The following RAB10 variants were observed in gnomAD, a reference collection of about 807,000 sequenced individuals.
RAB10 encodes ras-related protein Rab-10.
In RAB10, 5 loss-of-function variants were observed where a neutral mutation model predicts 25.7. The ratio of observed to expected loss-of-function variants is 0.19; its 90% CI spans 0.10 to 0.41. RAB10 has a LOEUF of 0.41. Ranked by LOEUF, RAB10 falls within the 10% of genes least tolerant of loss-of-function variation. The pLI, the probability that RAB10 is intolerant of heterozygous loss-of-function variation, is 1.00. For synonymous variants in RAB10, 89 were observed against 86.4 expected (o/e 1.03, Z -0.16); for missense variants, 103 against 245.8 (o/e 0.42, Z 3.89).
intron 1 of RAB10, among the ~76,000 whole-genome samples, chr2:26,073,274 A>G (rs189931622): frequency 3.9e-5 from 6 of 152,374 alleles, no homozygotes; most frequent in African/African-American, 2.4e-5. Context: ...AGGGGCTATT[A>G]ACCAGAGATC....
chr2:26,072,813 A>G (rs1666656018), intron 1 of RAB10, among the ~76,000 whole-genome samples: 1 of 152,216 alleles, frequency 6.6e-6, no homozygotes, highest in African/African-American at 2.4e-5. Context: ...AAAATATAGT[A>G]ATTTTTAACA....
At chr2:26,090,405 G>A (rs1468508361) in intron 1 of RAB10, among the ~76,000 whole-genome samples, 1 of 151,058 alleles carries the variant, frequency 6.6e-6, no homozygotes, top group Non-Finnish European at 1.5e-5. Context: ...TCATTGTGAT[G>A]TACTTTGGTG....
chr2:26,033,778 AGCGGGAG>A (rs1176083251), upstream of RAB10, among the ~76,000 whole-genome samples: 5 of 125,434 alleles, frequency 4.0e-5, no homozygotes, highest in East Asian at 2.6e-4. Flanking sequence ...GGGAGCGGGG[AGCGGGAG>A]GCGGGAGGCG....
At chr2:26,112,701 T>C (rs1431258924) in intron 3 of RAB10, among the ~76,000 whole-genome samples, 1 of 152,102 alleles carries the variant, frequency 6.6e-6, no homozygotes, top group Non-Finnish European at 1.5e-5. Context: ...AATTCAAGGC[T>C]GCAGTGAGCT....
At chr2:26,066,737 G>T (rs1262767893) in intron 1 of RAB10, among the ~76,000 whole-genome samples, 1 of 151,128 alleles carries the variant, frequency 6.6e-6, no homozygotes. Flanking sequence ...TACAGTTCAA[G>T]ATGACATTTG....
chr2:26,045,504 G>A (rs1325207216), intron 1 of RAB10, among the ~76,000 whole-genome samples: 1 of 152,176 alleles, frequency 6.6e-6, no homozygotes, highest in Non-Finnish European at 1.5e-5. Flanking sequence ...CTCCCAAAGT[G>A]CTGGGATTAC....
intron 5 of RAB10, among the ~76,000 whole-genome samples, chr2:26,129,226 C>T (rs932094578): frequency 2.7e-5 from 4 of 148,686 alleles, no homozygotes; most frequent in Non-Finnish European, 4.4e-5. Flanking sequence ...GCCGAGATCA[C>T]GCCACTGCAT....
At chr2:26,106,136 A>G (rs1244919968) in intron 2 of RAB10, among the ~76,000 whole-genome samples, 1 of 152,260 alleles carries the variant, frequency 6.6e-6, no homozygotes, top group Non-Finnish European at 1.5e-5. Flanking sequence ...AATCAGTAAT[A>G]GCAATCCTAT....
chr2:26,064,804 T>C (rs887309166), intron 1 of RAB10, among the ~76,000 whole-genome samples: 12 of 152,166 alleles, frequency 7.9e-5, no homozygotes, highest in African/African-American at 2.9e-4. Context: ...CCCAGCACTT[T>C]GGGAGGCTGA....
chr2:26,072,551 GAA>G (rs924664788), intron 1 of RAB10, among the ~76,000 whole-genome samples: 44 of 152,022 alleles, frequency 2.9e-4, no homozygotes, highest in African/African-American at 9.6e-4. Flanking sequence ...AAAAAAAGAA[GAA>G]AAAAAGAAAT....
chr2:26,112,528 C>T (rs1429976214), intron 3 of RAB10, among the ~76,000 whole-genome samples: 1 of 152,182 alleles, frequency 6.6e-6, no homozygotes, highest in Non-Finnish European at 1.5e-5. Context: ...TATTATACCG[C>T]AGACTTAAAC....
intron 1 of RAB10, among the ~76,000 whole-genome samples, chr2:26,066,708 A>G (rs1666518281): frequency 6.6e-6 from 1 of 151,612 alleles, no homozygotes; most frequent in African/African-American, 2.4e-5. Flanking sequence ...TTCCCATGAC[A>G]CTTGGGGATT....
intron 3 of RAB10, among the ~76,000 whole-genome samples, chr2:26,124,125 G>A (rs1214517812): frequency 1.3e-5 from 2 of 151,924 alleles, no homozygotes; most frequent in Non-Finnish European, 2.9e-5. Flanking sequence ...ATACAGTATA[G>A]AATACATATA....
At chr2:26,051,250 TA>T (rs1477441217) in intron 1 of RAB10, among the ~76,000 whole-genome samples, 4 of 152,054 alleles carry the variant, frequency 2.6e-5, no homozygotes, top group Non-Finnish European at 5.9e-5. Context: ...ATTTGTTTTT[TA>T]AAATTCTTGT....
At position 26,096,426 on chromosome 2, in the gene RAB10, C is replaced by CTGGA. The variant is rs1387189328; in HGVS notation, c.128-2233_128-2232insATGG. On this transcript the variant is annotated intron_variant, in intron 1 of 5. Transcript: ENST00000264710. ...GATGGATGGCTGGATGGATGGCTGG[C>CTGGA]TGGCTGGATGGATGGATGGATGGAT... is the stretch of plus-strand genomic sequence containing the variant. Among the ~76,000 whole-genome samples the CTGGA allele has an allele frequency of 4.4e-3, 352 of 79,962 alleles. 1 individual carries two copies. The highest frequency in any genetic ancestry group is 0.015 in the African/African-American group (333 of 22,950). The allele number at this position is 79,962 out of a possible 152,430, so 52.5% of individuals were successfully genotyped here. A position where few individuals can be genotyped will look rare whatever the true frequency, so the allele number is the denominator to read the frequency against.
intron 1 of RAB10, among the ~76,000 whole-genome samples, chr2:26,061,092 CTTTTTT>C (rs5829993): frequency 1.2e-5 from 1 of 83,634 alleles, no homozygotes; most frequent in Non-Finnish European, 2.2e-5. Context: ...TTATCTCTGT[CTTTTTT>C]TTTTTTTTTT....
At chr2:26,041,513 A>G (rs1030790773) in intron 1 of RAB10, among the ~76,000 whole-genome samples, 2 of 146,016 alleles carry the variant, frequency 1.4e-5, no homozygotes, top group Non-Finnish European at 3.0e-5. Context: ...ACTGCACTCA[A>G]GCCTGGGTGA....
intron 5 of RAB10, among the ~76,000 whole-genome samples, chr2:26,131,155 A>T (rs971156991): frequency 6.6e-6 from 1 of 151,936 alleles, no homozygotes; most frequent in Non-Finnish European, 1.5e-5. Flanking sequence ...TTAAATAAAG[A>T]TCTCAGTCTA....
At chr2:26,038,597 CACAT>C (rs1665815978) in intron 1 of RAB10, among the ~76,000 whole-genome samples, 1 of 152,094 alleles carries the variant, frequency 6.6e-6, no homozygotes, top group Non-Finnish European at 1.5e-5. Context: ...ACAGCTTGAA[CACAT>C]ACATGTATTA....
Sources: allele counts gnomAD v4.1 joint callset (sites outside exome capture counted in the v4.1 genomes callset), GRCh38; gene constraint gnomAD v4.1.1; transcripts MANE v1.5; gene names NCBI Gene and HGNC (gene_info 2026-07-23, HGNC 2026-07-21).